Variants in USP35 observed in about 807,000 individuals in gnomAD.
The protein encoded by USP35 is ubiquitin carboxyl-terminal hydrolase 35.
In USP35, 69 loss-of-function variants were observed where a neutral mutation model predicts 83.8. That is an observed-to-expected ratio of 0.82 (90% CI 0.68 to 1.01). USP35 has a LOEUF of 1.01. Among genes scored for constraint, USP35 ranks in the 50% least tolerant of loss-of-function variants. USP35 has a pLI of 0.00. For missense variants in USP35, 1,503 were observed against 1,362.5 expected, an observed-to-expected ratio of 1.10 and a Z score of -1.62; for synonymous variants, 714 against 589.5, an observed-to-expected ratio of 1.21 and a Z score of -3.06.
Position 78,214,434 on chromosome 11 carries a change from C to A in USP35, c.*621C>A, listed in dbSNP as rs1231913675. 2 of 152,130 alleles carry A rather than the reference C, an allele frequency of 1.3e-5. No homozygotes were observed. The highest frequency in any genetic ancestry group is 2.4e-5 in the African/African-American group (1 of 41,260). The allele number at this position is 152,130 out of a possible 1,614,324, so 9.4% of individuals were successfully genotyped here. On this transcript the variant is annotated 3_prime_UTR_variant, in exon 11 of 11. Transcript: ENST00000529308. ...AGCAGGAGGCCTTTGCCCCCACAGCCCCTCCACGCCTGCCTCAGGGCCTGA... is the reference window on the plus strand; with the variant it reads ...AGCAGGAGGCCTTTGCCCCCACAGCACCTCCACGCCTGCCTCAGGGCCTGA...
At chr11:78,220,472 T>C in the USP35 span, 6 of 1,544,024 alleles carry the variant, frequency 3.9e-6, no homozygotes, top group South Asian at 1.2e-5. Flanking sequence ...AAACTGTGAG[T>C]GACTGCAGAA....
chr11:78,193,159 G>A (rs1753069526), intron 1 of USP35, among the ~76,000 whole-genome samples: 1 of 152,122 alleles, frequency 6.6e-6, no homozygotes, highest in African/African-American at 2.4e-5. Context: ...GCCTAGAAAG[G>A]GGACCAGGGC....
chr11:78,226,476 C>T, the USP35 span: 59 of 1,612,966 alleles, frequency 3.7e-5, no homozygotes, highest in Middle Eastern at 1.6e-4. Context: ...TCGGTGAAGT[C>T]GGCTGTTGTC....
the USP35 span, among the ~76,000 whole-genome samples, chr11:78,234,715 A>G: frequency 2.6e-5 from 4 of 151,834 alleles, no homozygotes; most frequent in Non-Finnish European, 5.9e-5. Flanking sequence ...CCTTTCACCA[A>G]TACAACATTA....
chr11:78,196,883 G>A lies in USP35; in HGVS notation c.638G>A (p.Cys213Tyr). The A allele has an allele frequency of 2.7e-6, 4 of 1,470,924 alleles. No individual in the cohort carries two copies. The highest frequency in any genetic ancestry group is 2.6e-5 in the East Asian group (1 of 38,130). The allele number at this position is 1,470,924 out of a possible 1,614,324, so 91.1% of individuals were successfully genotyped here. A position where few individuals can be genotyped will look rare whatever the true frequency, so the allele number is the denominator to read the frequency against. Reference protein sequence around the residue: ...WRAQPAAILPCLKELFAVISC... With the variant: ...WRAQPAAILPYLKELFAVISC... ...GCACAGCCCGCCGCCATCCTGCCCTGCCTCAAAGAGCTGTTCGCAGTCATC... is the reference window on the plus strand; with the variant it reads ...GCACAGCCCGCCGCCATCCTGCCCTACCTCAAAGAGCTGTTCGCAGTCATC... Residue 213 changes from cysteine (C) to tyrosine (Y), a missense_variant, in exon 2 of 11, where the codon TGC (cysteine) becomes TAC (tyrosine). By Grantham distance (194) the Cys-to-Tyr change is radical (BLOSUM62 -2). Transcript: ENST00000529308. The surrounding 1 kb of genome is among the most constrained non-coding windows in gnomAD (Gnocchi z 4.8).
the USP35 span, chr11:78,223,780 G>T: frequency 1.0e-6 from 1 of 978,006 alleles, no homozygotes; most frequent in Non-Finnish European, 1.5e-6. Context: ...GACTGGGTTA[G>T]CTATACTTTG....
At position 78,196,066 on chromosome 11, in the gene USP35, A is replaced by G. The variant is rs1367437553; in HGVS notation, c.-10-170A>G. ...TGTGCCAAGTGTTGTGCTTTATTTCATCAGGATAGCTCTCAGTGAAATGAC... is the reference window on the plus strand; with the variant it reads ...TGTGCCAAGTGTTGTGCTTTATTTCGTCAGGATAGCTCTCAGTGAAATGAC... On this transcript the variant is annotated intron_variant, in intron 1 of 10. Transcript: ENST00000529308. This position sits in a 1 kb window ranked among gnomAD's most constrained non-coding sequence, Gnocchi z 4.8. Among the ~76,000 whole-genome samples the G allele has an allele frequency of 6.6e-6, 1 of 152,150 alleles. No homozygotes were observed. Among genetic ancestry groups the G allele is most frequent in the African/African-American group, 2.4e-5 (1 of 41,410 alleles).
At position 78,210,366 on chromosome 11, in the gene USP35, G is replaced by A. The variant is rs747425905; in HGVS notation, c.2511G>A (p.Leu837=). 6.2e-7 allele frequency: 1 copy of A among 1,613,616 alleles called. No homozygotes were observed. Among genetic ancestry groups the A allele is most frequent in the South Asian group, 1.1e-5 (1 of 91,080 alleles). ...TCCCCCTGCTGCTCCGCCTGCCACT[G>A]GCTGGTGGCCGTGGCCAGGCCTATG... ...VSIPLLLRLP[L]AGGRGQAYDL... Residue 837 remains leucine (L), a synonymous_variant, in exon 10 of 11, where the codon CTG becomes CTA. Coordinates refer to ENST00000529308, the MANE Select transcript of USP35 (RefSeq NM_020798.4).
chr11:78,206,163 T>A, intron 7 of USP35, 128 bp downstream of exon 7: 1 of 1,221,246 alleles, frequency 8.2e-7, no homozygotes, highest in Admixed American at 2.2e-5. Flanking sequence ...CCAGCATGAT[T>A]CCCTGAGGTC....
chr11:78,208,395 C>T (rs1863602672), intron 8 of USP35, among the ~76,000 whole-genome samples: 1 of 152,196 alleles, frequency 6.6e-6, no homozygotes, highest in African/African-American at 2.4e-5. Flanking sequence ...TCTCTGCCCT[C>T]ATGGAGCCTA....
At chr11:78,217,327 G>A (rs1864197996), downstream of USP35, 1 of 152,190 alleles carries the variant, frequency 6.6e-6, no homozygotes. Context: ...CCCAGAAACT[G>A]GAGACAGCAG....
In USP35 at chr11:78,196,641, G is replaced by T. The variant is rs1590897193; in HGVS notation, c.396G>T (p.Val132=). 5 of 1,373,928 alleles carry T rather than the reference G, an allele frequency of 3.6e-6. No individual in the cohort carries two copies. In the East Asian group the frequency reaches 1.6e-4, roughly 43 times the overall value. The allele number at this position is 1,373,928 out of a possible 1,614,324, so 85.1% of individuals were successfully genotyped here. A position where few individuals can be genotyped will look rare whatever the true frequency, so the allele number is the denominator to read the frequency against. ...ALLRREVLRT[V]CERPGPAACA... ...TGCGGCGCGAGGTGCTGCGCACCGTGTGCGAGCGCCCGGGCCCCGCGGCCT... is the reference window on the plus strand; with the variant it reads ...TGCGGCGCGAGGTGCTGCGCACCGTTTGCGAGCGCCCGGGCCCCGCGGCCT... The change falls in exon 2 of 11, where the codon GTG becomes GTT. Residue 132 remains valine, a synonymous_variant. Coordinates refer to ENST00000529308, the MANE Select transcript of USP35 (RefSeq NM_020798.4). The surrounding 1 kb of genome is among the most constrained non-coding windows in gnomAD (Gnocchi z 4.8).
At chr11:78,223,990 G>A in the USP35 span, among the ~76,000 whole-genome samples, 3 of 152,174 alleles carry the variant, frequency 2.0e-5, no homozygotes, top group Non-Finnish European at 4.4e-5. Flanking sequence ...GCTGAGGCAC[G>A]AGAATCGCTT....
chr11:78,219,439 G>C (rs760451268), downstream of USP35: 2 of 1,612,206 alleles, frequency 1.2e-6, no homozygotes, highest in South Asian at 1.1e-5. Context: ...GTGGGAAAGA[G>C]GGAGTAGCTG....
chr11:78,200,348 AG>A, intron 5 of USP35, 114 bp downstream of exon 5: 1 of 1,293,936 alleles, frequency 7.7e-7, no homozygotes, highest in South Asian at 1.2e-5. Context: ...CTCTTGGGGC[AG>A]GTCACTTGGC....
the USP35 span, among the ~76,000 whole-genome samples, chr11:78,227,738 TAGAG>T: frequency 6.6e-6 from 1 of 151,782 alleles, no homozygotes; most frequent in Non-Finnish European, 1.5e-5. Context: ...AGTTCGAAGT[TAGAG>T]TGAGCTATGA....
the USP35 span, chr11:78,225,341 C>T: frequency 4.9e-6 from 3 of 609,248 alleles, no homozygotes; most frequent in South Asian, 5.8e-5. Flanking sequence ...TAAGGAATTT[C>T]TTCGAACACA....
the USP35 span, among the ~76,000 whole-genome samples, chr11:78,230,446 T>C: frequency 2.0e-5 from 3 of 152,222 alleles, no homozygotes; most frequent in African/African-American, 7.2e-5. Flanking sequence ...TCTACAAAGG[T>C]ATTACAGGTC....
rs544895589 is a variant in USP35 at position 78,209,830 on chromosome 11, A to G, written c.1975A>G (p.Ile659Val). ...TEDTPPTSLYIEGLDSKEAGG... is the reference protein window; with the variant it reads ...TEDTPPTSLYVEGLDSKEAGG... ...GGACACCCCCCCCACCAGCCTGTAC[A>G]TCGAAGGCCTGGACTCCAAGGAAGC... The change falls in exon 10 of 11, where the codon ATC becomes GTC. Residue 659 changes from isoleucine to valine, a missense_variant. By Grantham distance (29) the Ile-to-Val change is conservative (BLOSUM62 3). Transcript: ENST00000529308. 2.5e-5 allele frequency: 41 copies of G among 1,613,466 alleles called. No individual in the cohort carries two copies. The highest frequency in any genetic ancestry group is 1.6e-4 in the Middle Eastern group (1 of 6,084).
Sources: allele counts gnomAD v4.1 joint callset (sites outside exome capture counted in the v4.1 genomes callset), GRCh38; gene constraint gnomAD v4.1.1; non-coding constraint Gnocchi (gnomAD v3.1); transcripts MANE v1.5; gene names NCBI Gene and HGNC (gene_info 2026-07-23, HGNC 2026-07-21).